The following LRRC8C variants were observed in gnomAD, a reference collection of about 807,000 sequenced individuals.
LRRC8C encodes volume-regulated anion channel subunit LRRC8C.
In LRRC8C, 20 loss-of-function variants were observed where a neutral mutation model predicts 55.3. That is an observed-to-expected ratio of 0.36 (90% CI 0.25 to 0.53). The LOEUF (loss-of-function observed/expected upper bound fraction) is 0.53. LRRC8C is among the 20% of genes least tolerant of loss of function. The pLI is 0.92. For synonymous variants in LRRC8C, 376 were observed against 360.7 expected (o/e 1.04, Z -0.48); for missense variants, 659 against 951.4 (o/e 0.69, Z 4.04).
chr1:89,689,474 T>C (rs1375439588), intron 2 of LRRC8C, among the ~76,000 whole-genome samples: 1 of 152,084 alleles, frequency 6.6e-6, no homozygotes, highest in Non-Finnish European at 1.5e-5. Flanking sequence ...CTGTTGAGAA[T>C]ATACTGTAGG....
chr1:89,662,470 C>T (rs2101217189), intron 1 of LRRC8C, among the ~76,000 whole-genome samples: 1 of 152,236 alleles, frequency 6.6e-6, no homozygotes, highest in East Asian at 1.9e-4. Flanking sequence ...TGGTTGCTCA[C>T]TTGAGATGAC....
intron 2 of LRRC8C, among the ~76,000 whole-genome samples, chr1:89,691,420 C>T (rs759342771): frequency 6.6e-6 from 1 of 152,116 alleles, no homozygotes; most frequent in Non-Finnish European, 1.5e-5. Flanking sequence ...GCACAGTGAC[C>T]GGAGGGCCCA....
intron 2 of LRRC8C, among the ~76,000 whole-genome samples, chr1:89,689,647 A>G (rs72712578): frequency 1.2e-3 from 182 of 152,180 alleles, no homozygotes; most frequent in Non-Finnish European, 1.1e-3. Flanking sequence ...ATACAAGAGA[A>G]AAAGAGAAAT....
In LRRC8C at chr1:89,646,966, T is replaced by C. The variant is rs936713042; in HGVS notation, c.-5+13644T>C. On this transcript the variant is annotated intron_variant, in intron 1 of 2. Transcript: ENST00000370454. ...CCAGTAAATCTGTTGACAATCACCA[T>C]GTCAATCAGCCCTTGTATATGAACA... 5.3e-5 allele frequency among the ~76,000 whole-genome samples: 8 copies of C among 152,182 alleles called. No homozygotes were observed. The East Asian group carries it at 1.5e-3, about 29-fold the overall frequency.
At chr1:89,669,476 A>T (rs1275921863) in intron 1 of LRRC8C, among the ~76,000 whole-genome samples, 1 of 152,186 alleles carries the variant, frequency 6.6e-6, no homozygotes, top group African/African-American at 2.4e-5. Flanking sequence ...TAAAGTCATT[A>T]TCATAGCTAT....
intron 1 of LRRC8C, among the ~76,000 whole-genome samples, chr1:89,635,307 A>G (rs1476191933): frequency 2.0e-5 from 3 of 152,246 alleles, no homozygotes; most frequent in African/African-American, 7.2e-5. Context: ...AGCGAGCCTA[A>G]GTTTAAAATG....
At chr1:89,642,453 G>A (rs1247643688) in intron 1 of LRRC8C, among the ~76,000 whole-genome samples, 2 of 152,192 alleles carry the variant, frequency 1.3e-5, no homozygotes, top group African/African-American at 2.4e-5. Flanking sequence ...AGTGGCTCCT[G>A]CCTGTAATCC....
intron 1 of LRRC8C, among the ~76,000 whole-genome samples, chr1:89,659,071 G>T (rs866903863): frequency 0.11 from 9,640 of 89,872 alleles, 1,008 homozygotes; most frequent in East Asian, 0.34. Context: ...TTGTGTGTGT[G>T]TGTGTGTGTG....
At chr1:89,666,510 A>G (rs10922690) in intron 1 of LRRC8C, among the ~76,000 whole-genome samples, 53,774 of 151,906 alleles carry the variant, frequency 0.35, 9,482 homozygotes, top group African/African-American at 0.38. Flanking sequence ...AACTCTCTAA[A>G]TAAGATAGAA....
At chr1:89,670,519 T>A (rs1300554770) in intron 1 of LRRC8C, among the ~76,000 whole-genome samples, 1 of 152,218 alleles carries the variant, frequency 6.6e-6, no homozygotes, top group Non-Finnish European at 1.5e-5. Flanking sequence ...TAATGCATTG[T>A]TGGAGTAGTG....
Position 89,715,962 on chromosome 1 carries a change from G to T in LRRC8C, c.*980G>T, listed in dbSNP as rs1450370393. 1 of 152,046 alleles carries T rather than the reference G, an allele frequency of 6.6e-6. No homozygotes were observed. Among genetic ancestry groups the T allele is most frequent in the African/African-American group, 2.4e-5 (1 of 41,384 alleles). The allele number at this position is 152,046 out of a possible 1,614,324, so 9.4% of individuals were successfully genotyped here. A position where few individuals can be genotyped will look rare whatever the true frequency, so the allele number is the denominator to read the frequency against. ...GGCAGTGGTAATCTATTCAAATTTT[G>T]CCTGTTACACAAAATAATCCACTTA... On this transcript the variant is annotated 3_prime_UTR_variant, in exon 3 of 3. Coordinates refer to ENST00000370454, the MANE Select transcript of LRRC8C (RefSeq NM_032270.5).
At chr1:89,626,988 C>T in the LRRC8C span, among the ~76,000 whole-genome samples, 2 of 150,480 alleles carry the variant, frequency 1.3e-5, no homozygotes, top group Admixed American at 1.3e-4. Context: ...CACACACACA[C>T]ACACACACAC....
intron 1 of LRRC8C, 42 bp from the exon 2 acceptor site, chr1:89,686,428 C>T (rs766214229): frequency 6.2e-7 from 1 of 1,607,592 alleles, no homozygotes; most frequent in South Asian, 1.1e-5. Flanking sequence ...GTATGTTGTA[C>T]TGGAAGATAA....
intron 1 of LRRC8C, among the ~76,000 whole-genome samples, chr1:89,672,930 C>T (rs991091778): frequency 6.6e-6 from 1 of 151,998 alleles, no homozygotes. Context: ...ATTACAAGAA[C>T]AAGTAAAAAC....
intron 2 of LRRC8C, among the ~76,000 whole-genome samples, chr1:89,689,184 A>T (rs1657961188): frequency 6.6e-6 from 1 of 152,204 alleles, no homozygotes; most frequent in African/African-American, 2.4e-5. Context: ...ATAAGTCTGC[A>T]TGTTAAGGTG....
intron 2 of LRRC8C, among the ~76,000 whole-genome samples, chr1:89,687,984 A>G (rs569565911): frequency 3.2e-4 from 49 of 152,228 alleles, no homozygotes; most frequent in Non-Finnish European, 6.5e-4. Context: ...ATGTATTTTA[A>G]CAAATGTCAT....
chr1:89,685,190 C>T (rs1484424084), intron 1 of LRRC8C, among the ~76,000 whole-genome samples: 1 of 142,648 alleles, frequency 7.0e-6, no homozygotes, highest in African/African-American at 2.6e-5. Context: ...GCAATCTCGG[C>T]TCACTGCAAG....
At chr1:89,616,829 A>AT in the LRRC8C span, among the ~76,000 whole-genome samples, 2 of 152,202 alleles carry the variant, frequency 1.3e-5, no homozygotes, top group Non-Finnish European at 2.9e-5. Context: ...CTGAGCCACT[A>AT]TGAGTGCCTA....
At chr1:89,663,883 A>G (rs1657185113) in intron 1 of LRRC8C, among the ~76,000 whole-genome samples, 1 of 152,060 alleles carries the variant, frequency 6.6e-6, no homozygotes, top group Admixed American at 6.5e-5. Flanking sequence ...ACCAGTGATG[A>G]TGAGCTTTTT....
Sources: allele counts gnomAD v4.1 joint callset (sites outside exome capture counted in the v4.1 genomes callset), GRCh38; gene constraint gnomAD v4.1.1; transcripts MANE v1.5; gene names NCBI Gene and HGNC (gene_info 2026-07-23, HGNC 2026-07-21).